Variants in SWT1 observed in about 807,000 individuals in gnomAD.
SWT1 encodes the protein transcriptional protein SWT1.
SWT1 carries 33 observed loss-of-function variants against 107.3 expected under a neutral mutation model. The ratio of observed to expected loss-of-function variants is 0.31; its 90% CI spans 0.23 to 0.41. The LOEUF (loss-of-function observed/expected upper bound fraction) is 0.41. Ranked by LOEUF, SWT1 falls within the 10% of genes least tolerant of loss-of-function variation. The pLI is 1.00. For missense variants in SWT1, 898 were observed against 1,028.9 expected (o/e 0.87, Z 1.74); for synonymous variants, 345 against 348.3 (o/e 0.99, Z 0.11).
chr1:185,287,358 G>A (rs77136094), intron 18 of SWT1, among the ~76,000 whole-genome samples: 3,955 of 152,150 alleles, frequency 0.026, 191 homozygotes, highest in African/African-American at 0.089. Context: ...CTCATGAATC[G>A]CAGAACCAGA....
intron 14 of SWT1, among the ~76,000 whole-genome samples, chr1:185,216,137 G>A (rs1409732650): frequency 6.6e-6 from 1 of 152,188 alleles, no homozygotes; most frequent in East Asian, 1.9e-4. Flanking sequence ...AGTAAAGGAA[G>A]CAGCTTTTTA....
chr1:185,281,627 G>T, intron 18 of SWT1: 1 of 188,906 alleles, frequency 5.3e-6, no homozygotes. Context: ...CCAAATGGAG[G>T]TGATATACTT....
chr1:185,195,522 G>A (rs1024942825), intron 10 of SWT1, among the ~76,000 whole-genome samples: 1 of 152,166 alleles, frequency 6.6e-6, no homozygotes, highest in Admixed American at 6.5e-5. Context: ...CCAGTAATGG[G>A]ATTGCTGGGT....
At chr1:185,189,096 G>T (rs920180055) in intron 9 of SWT1, among the ~76,000 whole-genome samples, 1 of 151,806 alleles carries the variant, frequency 6.6e-6, no homozygotes, top group East Asian at 1.9e-4. Context: ...CTCCCTCCTC[G>T]GCCTCCTGAG....
intron 16 of SWT1, among the ~76,000 whole-genome samples, chr1:185,237,366 C>G (rs1302588612): frequency 2.6e-5 from 4 of 152,120 alleles, no homozygotes; most frequent in Non-Finnish European, 5.9e-5. Context: ...GAATACTATA[C>G]AGCCATAAAA....
chr1:185,280,960 G>A, intron 18 of SWT1: 1 of 477,258 alleles, frequency 2.1e-6, no homozygotes, highest in Non-Finnish European at 4.3e-6. Flanking sequence ...GTGTGCTATT[G>A]GGGTCATGGC....
In SWT1 at chr1:185,180,202, G is replaced by C. The variant is rs190519742; in HGVS notation, c.967-189G>C. On this transcript the variant is annotated intron_variant, in intron 5 of 18. Coordinates refer to ENST00000367500, the MANE Select transcript of SWT1 (RefSeq NM_017673.7). ...CTGTCTTTAAAAAAAAAGTTTGGGA[G>C]TAGGGGTAGGTGGGTAGTACTACTG... Among the ~76,000 whole-genome samples the C allele has an allele frequency of 5.3e-5, 8 of 152,198 alleles. No individual in the cohort carries two copies. The East Asian group carries it at 1.4e-3, about 26-fold the overall frequency.
intron 5 of SWT1, among the ~76,000 whole-genome samples, chr1:185,178,197 A>G (rs1449158763): frequency 6.6e-6 from 1 of 152,196 alleles, no homozygotes; most frequent in African/African-American, 2.4e-5. Context: ...CAGCTAGGGT[A>G]GAGGGCCAGT....
chr1:185,222,292 T>C (rs1322636721), intron 15 of SWT1, among the ~76,000 whole-genome samples: 1 of 152,190 alleles, frequency 6.6e-6, no homozygotes, highest in East Asian at 1.9e-4. Flanking sequence ...AACGTTCTTT[T>C]TTATGGATGA....
chr1:185,254,615 T>C (rs1269167820), intron 16 of SWT1, among the ~76,000 whole-genome samples: 32 of 150,956 alleles, frequency 2.1e-4, no homozygotes, highest in East Asian at 1.6e-3. Context: ...TCTGTGGGAT[T>C]GGTGGTGATA....
intron 16 of SWT1, among the ~76,000 whole-genome samples, chr1:185,254,199 T>G: frequency 8.9e-6 from 1 of 112,856 alleles, no homozygotes; most frequent in African/African-American, 4.2e-5. Flanking sequence ...TATTGAGGAT[T>G]TTTGCATCAA....
chr1:185,257,097 G>A (rs1473322099), intron 16 of SWT1, among the ~76,000 whole-genome samples: 1 of 152,094 alleles, frequency 6.6e-6, no homozygotes, highest in Non-Finnish European at 1.5e-5. Flanking sequence ...CTGCTCGGGG[G>A]TCAGGTGTCA....
intron 5 of SWT1, among the ~76,000 whole-genome samples, chr1:185,177,484 G>C (rs1655665590): frequency 1.3e-5 from 2 of 152,148 alleles, no homozygotes; most frequent in Admixed American, 1.3e-4. Flanking sequence ...ACTGTTCTCA[G>C]ATAGCAGCAT....
chr1:185,168,733 A>T (rs1284281969), intron 4 of SWT1, among the ~76,000 whole-genome samples: 1 of 152,232 alleles, frequency 6.6e-6, no homozygotes, highest in Non-Finnish European at 1.5e-5. Flanking sequence ...GAGATTTTGG[A>T]TAAATCATTT....
At chr1:185,277,323 G>T (rs917479281) in intron 18 of SWT1, among the ~76,000 whole-genome samples, 2 of 151,016 alleles carry the variant, frequency 1.3e-5, no homozygotes, top group African/African-American at 4.9e-5. Context: ...TGCTCTTGTC[G>T]CAAATGGTGC....
chr1:185,206,434 G>A (rs1658342748), intron 12 of SWT1, among the ~76,000 whole-genome samples, 191 bp from the exon 13 acceptor site: 1 of 152,084 alleles, frequency 6.6e-6, no homozygotes, highest in African/African-American at 2.4e-5. Context: ...ATACTAACAT[G>A]AGTTTTACAA....
At chr1:185,162,757 A>C (rs1289571743) in intron 2 of SWT1, among the ~76,000 whole-genome samples, 1 of 152,110 alleles carries the variant, frequency 6.6e-6, no homozygotes, top group African/African-American at 2.4e-5. Context: ...TATCCAGTAC[A>C]TATAAAAATT....
chr1:185,216,342 T>C (rs556402913), intron 14 of SWT1, among the ~76,000 whole-genome samples: 3 of 152,172 alleles, frequency 2.0e-5, no homozygotes, highest in Non-Finnish European at 4.4e-5. Context: ...TGTACCTTGA[T>C]TGTGTTGGAA....
intron 10 of SWT1, among the ~76,000 whole-genome samples, chr1:185,196,267 T>A (rs1228749655): frequency 6.6e-6 from 1 of 152,174 alleles, no homozygotes; most frequent in Non-Finnish European, 1.5e-5. Context: ...CCCCATTGCT[T>A]GTTTTTGTCA....
Sources: allele counts gnomAD v4.1 joint callset (sites outside exome capture counted in the v4.1 genomes callset), GRCh38; gene constraint gnomAD v4.1.1; transcripts MANE v1.5; gene names NCBI Gene and HGNC (gene_info 2026-07-23, HGNC 2026-07-21).